The following NRXN1 variants were observed in gnomAD, a reference collection of about 807,000 sequenced individuals.
NRXN1 encodes the protein neurexin 1.
A neutral mutation model predicts 150.9 loss-of-function variants in NRXN1; 39 were observed. The observed-to-expected ratio is 0.26, with a 90% CI of 0.20 to 0.34. The LOEUF (loss-of-function observed/expected upper bound fraction) is 0.34. Ranked by LOEUF, NRXN1 falls within the 10% of genes least tolerant of loss-of-function variation. The probability of loss-of-function intolerance (pLI) is 1.00; values close to 1 mark genes in which losing one functional copy is unlikely to be tolerated. For missense variants in NRXN1, 1,815 were observed against 1,949.9 expected (o/e 0.93, Z 1.30); for synonymous variants, 924 against 757.0 (o/e 1.22, Z -3.62).
chr2:50,208,477 C>T (rs2062775224), intron 18 of NRXN1, among the ~76,000 whole-genome samples: 1 of 152,094 alleles, frequency 6.6e-6, no homozygotes, highest in African/African-American at 2.4e-5. Flanking sequence ...CACAGGGTAT[C>T]CCTTTCCAGT....
chr2:50,937,252 A>T (rs1688689443), intron 2 of NRXN1, among the ~76,000 whole-genome samples: 1 of 152,098 alleles, frequency 6.6e-6, no homozygotes. Flanking sequence ...TCCTTATACA[A>T]ATCACAGGCT....
chr2:50,892,655 A>G (rs17041087), intron 5 of NRXN1, among the ~76,000 whole-genome samples: 11,073 of 152,216 alleles, frequency 0.073, 526 homozygotes, highest in East Asian at 0.2. Flanking sequence ...ACCTGCAAAC[A>G]TTTAAAGTTC....
chr2:50,763,270 G>A (rs1702017103), intron 5 of NRXN1, among the ~76,000 whole-genome samples: 1 of 151,970 alleles, frequency 6.6e-6, no homozygotes, highest in Non-Finnish European at 1.5e-5. Context: ...TCTTTGGACT[G>A]TGGATTTTCA....
At chr2:50,333,979 C>G (rs1371776575) in intron 17 of NRXN1, among the ~76,000 whole-genome samples, 1 of 151,916 alleles carries the variant, frequency 6.6e-6, no homozygotes, top group African/African-American at 2.4e-5. Context: ...GGACTTTTAA[C>G]AGTGAGGATA....
At chr2:50,505,475 G>C (rs1320722239) in intron 13 of NRXN1, among the ~76,000 whole-genome samples, 1 of 152,134 alleles carries the variant, frequency 6.6e-6, no homozygotes, top group Non-Finnish European at 1.5e-5. Context: ...TGTGACCTTA[G>C]ATACTAACTG....
chr2:50,441,323 T>A (rs1487216907), intron 17 of NRXN1, among the ~76,000 whole-genome samples: 1 of 152,162 alleles, frequency 6.6e-6, no homozygotes, highest in African/African-American at 2.4e-5. Context: ...TGATTTCACT[T>A]CTTCTTCCTC....
In NRXN1 at chr2:50,433,514, A is replaced by G. The variant is rs1448202662; in HGVS notation, c.3364+31928T>C. On this transcript the variant is annotated intron_variant, in intron 17 of 22. Transcript: ENST00000401669. ...TCTTCTATATATTTTCTCAGTATAA[A>G]ACACATTACAGTTGTCTAACATTGA... 5.9e-5 allele frequency among the ~76,000 whole-genome samples: 9 copies of G among 152,058 alleles called. No individual in the cohort carries two copies. The East Asian group carries it at 1.5e-3, about 26-fold the overall frequency.
intron 17 of NRXN1, among the ~76,000 whole-genome samples, chr2:50,452,201 T>C (rs1187256100): frequency 6.6e-6 from 1 of 152,218 alleles, no homozygotes; most frequent in East Asian, 1.9e-4. Flanking sequence ...ATTAATCAGA[T>C]TTCTTTTTCC....
intron 16 of NRXN1, among the ~76,000 whole-genome samples, chr2:50,468,394 C>T (rs1048764334): frequency 6.6e-6 from 1 of 151,572 alleles, no homozygotes; most frequent in African/African-American, 2.4e-5. Context: ...CAAGACAATG[C>T]ATGCCTTTGC....
intron 8 of NRXN1, among the ~76,000 whole-genome samples, chr2:50,611,319 T>C (rs921946683): frequency 3.0e-4 from 45 of 152,314 alleles, no homozygotes; most frequent in Admixed American, 1.3e-3. Context: ...CAATTCATTA[T>C]GCCAACTGCT....
intron 2 of NRXN1, among the ~76,000 whole-genome samples, chr2:50,965,473 A>G (rs960210534): frequency 8.6e-5 from 13 of 151,550 alleles, no homozygotes; most frequent in Non-Finnish European, 1.8e-4. Context: ...TAAAAAAAAT[A>G]ATAATTTTCA....
At chr2:50,007,107 C>T (rs950795521) in intron 21 of NRXN1, among the ~76,000 whole-genome samples, 6 of 151,998 alleles carry the variant, frequency 3.9e-5, no homozygotes, top group African/African-American at 1.2e-4. Context: ...CCTTGGGAGG[C>T]CAAGGTGGGA....
intron 17 of NRXN1, among the ~76,000 whole-genome samples, chr2:50,248,237 A>G (rs1295934954): frequency 6.6e-6 from 1 of 152,050 alleles, no homozygotes; most frequent in Non-Finnish European, 1.5e-5. Flanking sequence ...TTGGTTTCAA[A>G]CTTCTGGCCT....
intron 5 of NRXN1, among the ~76,000 whole-genome samples, chr2:50,657,091 A>G (rs191337884): frequency 1.3e-5 from 2 of 152,180 alleles, no homozygotes; most frequent in Admixed American, 1.3e-4. Flanking sequence ...CTCAGAGTAA[A>G]AGCCAAAATC....
chr2:50,245,355 C>A (rs2066400709), intron 17 of NRXN1, among the ~76,000 whole-genome samples: 1 of 151,912 alleles, frequency 6.6e-6, no homozygotes, highest in Admixed American at 6.6e-5. Context: ...TAAAACAAAG[C>A]AAAGTAATCC....
intron 17 of NRXN1, among the ~76,000 whole-genome samples, chr2:50,460,758 C>A (rs2088110237): frequency 6.6e-6 from 1 of 151,952 alleles, no homozygotes; most frequent in African/African-American, 2.4e-5. Flanking sequence ...GCAGGTCTGA[C>A]CCTGTTTCCC....
At chr2:50,792,322 A>C (rs914941206) in intron 5 of NRXN1, among the ~76,000 whole-genome samples, 1 of 152,070 alleles carries the variant, frequency 6.6e-6, no homozygotes, top group Non-Finnish European at 1.5e-5. Flanking sequence ...TTATTTGTCT[A>C]TTTTCTCTAT....
intron 5 of NRXN1, among the ~76,000 whole-genome samples, chr2:50,846,703 T>C (rs370752623): frequency 2.0e-5 from 3 of 152,250 alleles, no homozygotes; most frequent in Admixed American, 6.5e-5. Flanking sequence ...CAAAACCAAA[T>C]TGCAATTCAA....
At chr2:50,940,112 G>C (rs1213187733) in intron 2 of NRXN1, among the ~76,000 whole-genome samples, 1 of 151,994 alleles carries the variant, frequency 6.6e-6, no homozygotes, top group East Asian at 1.9e-4. Context: ...CGAAATTGTG[G>C]CTAAACTTAA....
Sources: allele counts gnomAD v4.1 joint callset (sites outside exome capture counted in the v4.1 genomes callset), GRCh38; gene constraint gnomAD v4.1.1; transcripts MANE v1.5; gene names NCBI Gene and HGNC (gene_info 2026-07-23, HGNC 2026-07-21).